The following MTHFD1 variants were observed in gnomAD, a reference collection of about 807,000 sequenced individuals.
The protein encoded by MTHFD1 is methylenetetrahydrofolate dehydrogenase, cyclohydrolase and formyltetrahydrofolate synthetase 1.
A neutral mutation model predicts 110.3 loss-of-function variants in MTHFD1; 44 were observed. The observed-to-expected ratio is 0.40, with a 90% CI of 0.31 to 0.51. MTHFD1 has a LOEUF of 0.51. Among genes scored for constraint, MTHFD1 ranks in the 20% least tolerant of loss-of-function variants. The pLI is 0.60. For missense variants in MTHFD1, 909 were observed against 1,173.1 expected, an observed-to-expected ratio of 0.77 and a Z score of 3.29; for synonymous variants, 402 against 428.8, an observed-to-expected ratio of 0.94 and a Z score of 0.77.
At chr14:64,446,759 G>A (rs1382290493) in intron 22 of MTHFD1, among the ~76,000 whole-genome samples, 3 of 152,140 alleles carry the variant, frequency 2.0e-5, no homozygotes, top group African/African-American at 7.2e-5. Context: ...AGCCAGGATG[G>A]TCTCGATCTC....
At chr14:64,420,342 G>C (rs1444052432) in intron 8 of MTHFD1, among the ~76,000 whole-genome samples, 1 of 152,164 alleles carries the variant, frequency 6.6e-6, no homozygotes. Context: ...GCTTTACAAA[G>C]AAGATATTTG....
intron 22 of MTHFD1, among the ~76,000 whole-genome samples, chr14:64,446,524 TGGTTTTTGGTG>T (rs2078290281): frequency 6.6e-6 from 1 of 152,130 alleles, no homozygotes; most frequent in Non-Finnish European, 1.5e-5. Flanking sequence ...TTGTAGTACT[TGGTTTTTGGTG>T]GGTTTTTTTG....
In MTHFD1 at chr14:64,419,897, C is replaced by T. The variant is rs757491631; in HGVS notation, c.699C>T (p.Val233=). 5 of 1,613,764 alleles carry T rather than the reference C, an allele frequency of 3.1e-6. No individual in the cohort carries two copies. Among genetic ancestry groups the T allele is most frequent in the Non-Finnish European group, 4.2e-6 (5 of 1,179,826 alleles). The change falls in exon 8 of 28, where the codon GTC becomes GTT. Residue 233 remains valine (V), a synonymous_variant. Coordinates refer to ENST00000652337, the MANE Select transcript of MTHFD1 (RefSeq NM_005956.4). ...AGTGGATCAAACCTGGGGCAATAGT[C>T]ATCGACTGTGGAATCAATTATGTCC... ...KGEWIKPGAI[V]IDCGINYVPD...
intron 11 of MTHFD1, among the ~76,000 whole-genome samples, chr14:64,426,807 G>A (rs1336748267): frequency 6.6e-6 from 1 of 152,060 alleles, no homozygotes; most frequent in Non-Finnish European, 1.5e-5. Context: ...TTAATTCGAT[G>A]GATTTACTAA....
intron 2 of MTHFD1, among the ~76,000 whole-genome samples, chr14:64,404,499 A>G (rs555412383): frequency 6.6e-6 from 1 of 152,308 alleles, no homozygotes; most frequent in South Asian, 2.1e-4. Context: ...TTACGGACAA[A>G]TGTATGAAGG....
At chr14:64,416,268 A>AACAG (rs1212469164) in intron 6 of MTHFD1, among the ~76,000 whole-genome samples, 2 of 151,996 alleles carry the variant, frequency 1.3e-5, no homozygotes, top group African/African-American at 4.8e-5. Flanking sequence ...CAAACAAACA[A>AACAG]ACAAACAAAA....
intron 7 of MTHFD1, among the ~76,000 whole-genome samples, chr14:64,418,425 T>C (rs550079341): frequency 4.4e-5 from 6 of 136,660 alleles, no homozygotes; most frequent in South Asian, 4.6e-4. Context: ...CACTCCAGCC[T>C]GGGCTACAGA....
intron 11 of MTHFD1, 87 bp downstream of exon 11, chr14:64,426,279 G>C (rs1374254306): frequency 7.5e-6 from 11 of 1,457,978 alleles, no homozygotes; most frequent in Non-Finnish European, 6.7e-6. Flanking sequence ...CATGTATGTA[G>C]AGGTGCCTTT....
chr14:64,422,662 C>T (rs1281978888), intron 8 of MTHFD1, among the ~76,000 whole-genome samples: 2 of 152,090 alleles, frequency 1.3e-5, no homozygotes, highest in Non-Finnish European at 2.9e-5. Context: ...CTGGACTGGC[C>T]TCTATTATTA....
rs1232759464 is a variant in MTHFD1, at chr14:64,439,984, T to G, written c.1675-142T>G. The G allele has an allele frequency of 6.8e-6, 4 of 584,748 alleles. No homozygotes were observed. The East Asian group carries it at 1.2e-4, about 17-fold the overall frequency. 36.2% of individuals were successfully genotyped at this position (584,748 alleles called of 1,614,324 possible). On this transcript the variant is annotated intron_variant, in intron 17 of 27. Coordinates refer to ENST00000652337, the MANE Select transcript of MTHFD1 (RefSeq NM_005956.4). ...TTTGCTATTAGAGGATTATTTTCAT[T>G]AAGTATTTTGGGTAGTATTCTGTTA...
chr14:64,391,216 G>A (rs1256436839), intron 1 of MTHFD1, among the ~76,000 whole-genome samples: 1 of 152,002 alleles, frequency 6.6e-6, no homozygotes. Flanking sequence ...TCAGGCTGGA[G>A]TGCAATGGCA....
At chr14:64,392,218 A>G (rs2077811932) in intron 1 of MTHFD1, among the ~76,000 whole-genome samples, 1 of 152,218 alleles carries the variant, frequency 6.6e-6, no homozygotes, top group African/African-American at 2.4e-5. Context: ...GGTCAATGGC[A>G]ATGGCCCTGT....
chr14:64,431,913 A>G, intron 15 of MTHFD1, 52 bp downstream of exon 15: 1 of 1,494,502 alleles, frequency 6.7e-7, no homozygotes, highest in Non-Finnish European at 9.3e-7. Context: ...CTGGAATCTG[A>G]TCATTGATTA....
chr14:64,436,155 C>G (rs1390785784), intron 16 of MTHFD1, among the ~76,000 whole-genome samples: 4 of 151,882 alleles, frequency 2.6e-5, no homozygotes, highest in Non-Finnish European at 5.9e-5. Context: ...AGTGCAGTGG[C>G]ACAGTATCGG....
intron 12 of MTHFD1, among the ~76,000 whole-genome samples, chr14:64,428,406 G>A (rs1469346275): frequency 2.0e-5 from 3 of 151,806 alleles, no homozygotes; most frequent in East Asian, 1.9e-4. Flanking sequence ...ATGAGCCACC[G>A]TGCCAAGCTG....
At chr14:64,429,334 T>G (rs541323343) in intron 12 of MTHFD1, among the ~76,000 whole-genome samples, 447 of 145,878 alleles carry the variant, frequency 3.1e-3, no homozygotes, top group African/African-American at 9.8e-3. Flanking sequence ...TTGTTTGTTT[T>G]TTTTGAGACA....
At chr14:64,431,741 A>C (rs60806768) in intron 14 of MTHFD1, 46 bp from the exon 15 acceptor site, 1 of 1,601,392 alleles carries the variant, frequency 6.2e-7, no homozygotes, top group Admixed American at 1.7e-5. Context: ...CAGGTAGCAA[A>C]GCAGTGGGGC....
At chr14:64,437,554 C>T (rs2078215728) in intron 16 of MTHFD1, among the ~76,000 whole-genome samples, 1 of 152,198 alleles carries the variant, frequency 6.6e-6, no homozygotes, top group Non-Finnish European at 1.5e-5. Context: ...TCAATTCTGA[C>T]ACTAACTGTC....
At chr14:64,412,575 C>T (rs2077993011) in intron 4 of MTHFD1, 50 bp downstream of exon 4, 2 of 1,486,582 alleles carry the variant, frequency 1.3e-6, no homozygotes, top group Non-Finnish European at 1.9e-6. Context: ...GTGGTTTCCT[C>T]TCTGGTTTTG....
Sources: allele counts gnomAD v4.1 joint callset (sites outside exome capture counted in the v4.1 genomes callset), GRCh38; gene constraint gnomAD v4.1.1; transcripts MANE v1.5; gene names NCBI Gene and HGNC (gene_info 2026-07-23, HGNC 2026-07-21).